The following DIAPH3 variants were observed in gnomAD, a reference collection of about 807,000 sequenced individuals.
DIAPH3 encodes the protein protein diaphanous homolog 3.
In DIAPH3, 117 loss-of-function variants were observed where a neutral mutation model predicts 144.3. The observed-to-expected ratio is 0.81, with a 90% confidence interval of 0.70 to 0.95. The LOEUF is 0.95. Ranked by LOEUF, DIAPH3 falls within the 40% of genes least tolerant of loss-of-function variation. The probability of loss-of-function intolerance (pLI) is 0.00; values close to 1 mark genes in which losing one functional copy is unlikely to be tolerated. For missense variants in DIAPH3, 1,421 were observed against 1,412.7 expected (o/e 1.01, Z -0.09); for synonymous variants, 519 against 488.9 (o/e 1.06, Z -0.81).
intron 1 of DIAPH3, among the ~76,000 whole-genome samples, chr13:60,133,753 T>A (rs1208296422): frequency 6.6e-6 from 1 of 152,152 alleles, no homozygotes; most frequent in Non-Finnish European, 1.5e-5. Context: ...TAAGTCCCAG[T>A]GTCGGGAAAG....
intron 27 of DIAPH3, among the ~76,000 whole-genome samples, chr13:59,768,926 G>C (rs1453249977): frequency 6.6e-6 from 1 of 152,024 alleles, no homozygotes. Flanking sequence ...CTAAAATTTT[G>C]ATTATGTTTT....
chr13:59,968,302 T>G (rs1383708424), intron 17 of DIAPH3, among the ~76,000 whole-genome samples: 1 of 152,186 alleles, frequency 6.6e-6, no homozygotes, highest in Non-Finnish European at 1.5e-5. Flanking sequence ...ATGGCAGAAT[T>G]ACTTAAATAG....
intron 1 of DIAPH3, among the ~76,000 whole-genome samples, chr13:60,151,273 C>T (rs1398558546): frequency 2.0e-5 from 3 of 152,096 alleles, no homozygotes; most frequent in Non-Finnish European, 4.4e-5. Context: ...CTAATCCTCA[C>T]AACAATCTAT....
intron 27 of DIAPH3, among the ~76,000 whole-genome samples, chr13:59,767,586 G>A (rs1401311155): frequency 1.3e-5 from 2 of 151,744 alleles, no homozygotes; most frequent in Non-Finnish European, 1.5e-5. Flanking sequence ...CTTAGACTCT[G>A]AACTTTTGCC....
intron 1 of DIAPH3, among the ~76,000 whole-genome samples, chr13:60,154,711 C>G (rs1222514995): frequency 6.6e-6 from 1 of 152,146 alleles, no homozygotes; most frequent in Non-Finnish European, 1.5e-5. Flanking sequence ...CTTTGTAGAT[C>G]CTGTTCAAAG....
intron 1 of DIAPH3, among the ~76,000 whole-genome samples, chr13:60,156,581 T>C (rs528422883): frequency 4.6e-5 from 7 of 152,188 alleles, no homozygotes; most frequent in African/African-American, 1.7e-4. Flanking sequence ...CTTCCTTCAG[T>C]ATACATCTAT....
At chr13:60,102,394 C>T (rs2058295818) in intron 3 of DIAPH3, among the ~76,000 whole-genome samples, 1 of 152,174 alleles carries the variant, frequency 6.6e-6, no homozygotes, top group Admixed American at 6.5e-5. Flanking sequence ...TACTTGCTGC[C>T]TCTTTCACCG....
At chr13:60,150,541 T>G (rs1202843236) in intron 1 of DIAPH3, among the ~76,000 whole-genome samples, 2 of 152,158 alleles carry the variant, frequency 1.3e-5, no homozygotes, top group Non-Finnish European at 2.9e-5. Flanking sequence ...GAGTGCCCAT[T>G]TCAAAGTACT....
At chr13:59,915,736 A>G (rs2047190008) in intron 19 of DIAPH3, among the ~76,000 whole-genome samples, 1 of 152,092 alleles carries the variant, frequency 6.6e-6, no homozygotes, top group African/African-American at 2.4e-5. Context: ...TGACTCTAAG[A>G]AGAATTGTTA....
chr13:59,831,210 T>C (rs907495178), intron 24 of DIAPH3, among the ~76,000 whole-genome samples: 3 of 151,906 alleles, frequency 2.0e-5, no homozygotes, highest in Non-Finnish European at 4.4e-5. Flanking sequence ...ATATTATTAC[T>C]TCATATATCC....
rs191046316 is a variant in DIAPH3 at position 60,041,801 on chromosome 13, G to A, written c.626+889C>T. On this transcript the variant is annotated intron_variant, in intron 5 of 27. Transcript: ENST00000400324. ...AATCCTTGTAGCTCTGAAATTCTCT[G>A]TTTCTGACTGTTTAGGTATTTCATA... Among the ~76,000 whole-genome samples, 15 of 152,054 alleles carry A rather than the reference G, an allele frequency of 9.9e-5. No individual in the cohort carries two copies. In the East Asian group the frequency reaches 2.5e-3, roughly 26 times the overall value.
In DIAPH3 at chr13:60,140,348, G is replaced by A. The variant is rs745900876; in HGVS notation, c.181-7359C>T. On this transcript the variant is annotated intron_variant, in intron 1 of 27. Coordinates refer to ENST00000400324, the MANE Select transcript of DIAPH3 (RefSeq NM_001042517.2). ...TCTAGAATCCATACTTGGGAATTAA[G>A]AAATACAATCAAAAGTTTATATACA... Among the ~76,000 whole-genome samples the A allele has an allele frequency of 2.0e-5, 3 of 152,222 alleles. No homozygotes were observed. The East Asian group carries it at 5.8e-4, about 29-fold the overall frequency.
At chr13:60,083,287 C>A (rs1354123067) in intron 4 of DIAPH3, among the ~76,000 whole-genome samples, 1 of 151,894 alleles carries the variant, frequency 6.6e-6, no homozygotes, top group East Asian at 1.9e-4. Context: ...ATATTGAAAG[C>A]TGGCAAATAA....
chr13:59,873,769 C>A (rs546194461), intron 21 of DIAPH3, among the ~76,000 whole-genome samples: 2 of 150,536 alleles, frequency 1.3e-5, no homozygotes, highest in Admixed American at 6.7e-5. Flanking sequence ...CGGGTTCAAG[C>A]GATTCTCCTG....
intron 20 of DIAPH3, among the ~76,000 whole-genome samples, chr13:59,890,186 A>T (rs145974615): frequency 6.6e-6 from 1 of 152,186 alleles, no homozygotes; most frequent in Non-Finnish European, 1.5e-5. Flanking sequence ...CACGTGGACT[A>T]CTGGAGTTCC....
In DIAPH3 at chr13:59,790,839, A is replaced by T. The variant is rs1285595235; in HGVS notation, c.3164-16016T>A. Among the ~76,000 whole-genome samples the T allele has an allele frequency of 2.0e-5, 3 of 152,258 alleles. No homozygotes were observed. In the East Asian group the frequency reaches 5.8e-4, roughly 29 times the overall value. On this transcript the variant is annotated intron_variant, in intron 25 of 27. Transcript: ENST00000400324. ...AAAACTGGAGGCAAAAATGTGCTAC[A>T]GTCTCAAGAGAACAATGAAAGACTC... is the stretch of plus-strand genomic sequence containing the variant.
At chr13:59,894,504 C>G (rs1343261098) in intron 20 of DIAPH3, among the ~76,000 whole-genome samples, 2 of 150,370 alleles carry the variant, frequency 1.3e-5, no homozygotes, top group Non-Finnish European at 3.0e-5. Flanking sequence ...GCTAAGACCA[C>G]AGCAGACATA....
chr13:59,879,507 A>G lies in DIAPH3; in HGVS notation c.2368-39T>C, dbSNP rs756845769. 9 of 1,612,306 alleles carry G rather than the reference A, an allele frequency of 5.6e-6. No homozygotes were observed. The African/African-American group carries it at 9.3e-5, about 17-fold the overall frequency. ...AAACAGCAGATTTCCTTTAAAATGCATGGTATAGTTTAGTACTGTACGACT... is the reference window on the plus strand; with the variant it reads ...AAACAGCAGATTTCCTTTAAAATGCGTGGTATAGTTTAGTACTGTACGACT... On this transcript the variant is annotated intron_variant, in intron 20 of 27. Transcript: ENST00000400324.
At chr13:59,693,190 T>G (rs964530402) in intron 27 of DIAPH3, among the ~76,000 whole-genome samples, 4 of 152,112 alleles carry the variant, frequency 2.6e-5, no homozygotes, top group Non-Finnish European at 5.9e-5. Flanking sequence ...CGCTTATGAC[T>G]GGAAAGTAGT....
Sources: gnomAD v4.1 joint callset for allele counts (sites outside exome capture counted in the v4.1 genomes callset) on GRCh38, gnomAD v4.1.1 for gene constraint, MANE v1.5 for transcripts, NCBI Gene and HGNC (gene_info 2026-07-23, HGNC 2026-07-21) for gene names.